The following LIMA1 variants were observed in gnomAD, a reference collection of about 807,000 sequenced individuals.
LIMA1 encodes LIM domain and actin-binding protein 1.
Under a neutral mutation model 62.6 loss-of-function variants are expected in LIMA1, and 52 were observed. The observed-to-expected ratio is 0.83, with a 90% CI of 0.67 to 1.05. The LOEUF is 1.05. Among genes scored for constraint, LIMA1 ranks in the 50% least tolerant of loss-of-function variants. The pLI is 0.00. For missense variants in LIMA1, 780 were observed against 902.2 expected, an observed-to-expected ratio of 0.86 and a Z score of 1.74; for synonymous variants, 302 against 317.8, an observed-to-expected ratio of 0.95 and a Z score of 0.53.
At chr12:50,209,822 C>T (rs1399481344) in intron 4 of LIMA1, among the ~76,000 whole-genome samples, 5 of 151,996 alleles carry the variant, frequency 3.3e-5, no homozygotes, top group African/African-American at 1.2e-4. Flanking sequence ...TCTGCTACCA[C>T]ACCTAATTAT....
At position 50,195,961 on chromosome 12, in the gene LIMA1, G is replaced by A. The variant is rs188717812; in HGVS notation, c.973-74C>T. 48 of 1,434,254 alleles carry A rather than the reference G, an allele frequency of 3.3e-5. 1 individual carries two copies. The East Asian group carries it at 9.7e-4, about 29-fold the overall frequency. 88.8% of individuals were successfully genotyped at this position (1,434,254 alleles called of 1,614,324 possible). On this transcript the variant is annotated intron_variant, in intron 7 of 10. Transcript: ENST00000341247. ...ATTAAAAATAAAAGAGCAAACTGCT[G>A]TTAATGCCATAAAAACCTGCTGACT... is the stretch of plus-strand genomic sequence containing the variant.
Position 50,195,891 on chromosome 12 carries a change from CAAAAAAAAAAAAA to C in LIMA1, c.973-17_973-5del. On this transcript the variant is annotated splice_polypyrimidine_tract_variant and splice_region_variant and intron_variant, in intron 7 of 10. Coordinates refer to ENST00000341247, the MANE Select transcript of LIMA1 (RefSeq NM_016357.5). Reference sequence around the variant, plus strand: ...GGCTATTCTCATTTGCAGAAATCTACAAAAAAAAAAAAAAAAAAAAAGTTAGAGGGGGATTAAG... The same window carrying C: ...GGCTATTCTCATTTGCAGAAATCTACAAAAAAAAGTTAGAGGGGGATTAAG... 29 of 1,098,804 alleles carry C rather than the reference CAAAAAAAAAAAAA, an allele frequency of 2.6e-5. No individual in the cohort carries two copies. In the South Asian group the frequency reaches 5.3e-4, roughly 20 times the overall value. 68.1% of individuals were successfully genotyped at this position (1,098,804 alleles called of 1,614,324 possible).
intron 3 of LIMA1, chr12:50,222,821 C>T: frequency 1.6e-6 from 1 of 640,142 alleles, no homozygotes; most frequent in Non-Finnish European, 2.1e-6. Context: ...GGGAAAAAAA[C>T]AAGAAAGAAA....
At chr12:50,264,028 G>A (rs930345870) in intron 1 of LIMA1, among the ~76,000 whole-genome samples, 4 of 151,576 alleles carry the variant, frequency 2.6e-5, no homozygotes, top group South Asian at 2.1e-4. Context: ...AATATTATTC[G>A]GCTATAAAGA....
chr12:50,192,834 T>C (rs935034502), intron 8 of LIMA1, among the ~76,000 whole-genome samples: 3 of 152,222 alleles, frequency 2.0e-5, no homozygotes, highest in African/African-American at 7.2e-5. Flanking sequence ...TAAAGAACTT[T>C]CTTCCTTGTG....
At chr12:50,190,366 A>ATTTTT (rs1206751938) in intron 9 of LIMA1, 3 of 121,162 alleles carry the variant, frequency 2.5e-5, no homozygotes, top group African/African-American at 9.2e-5. Context: ...CTTGAATGTC[A>ATTTTT]TTTTTTTTTT....
intron 4 of LIMA1, among the ~76,000 whole-genome samples, chr12:50,214,995 C>A (rs1941319054): frequency 6.6e-6 from 1 of 152,194 alleles, no homozygotes; most frequent in Non-Finnish European, 1.5e-5. Context: ...CTGCAACAAT[C>A]TGGGCATTCC....
intron 2 of LIMA1, among the ~76,000 whole-genome samples, chr12:50,233,832 T>C (rs1941648520): frequency 6.6e-6 from 1 of 152,218 alleles, no homozygotes; most frequent in Non-Finnish European, 1.5e-5. Context: ...GCTATTATTA[T>C]ATGTTTTAAA....
chr12:50,180,040 C>T (rs1940459741), intron 10 of LIMA1, among the ~76,000 whole-genome samples: 1 of 151,302 alleles, frequency 6.6e-6, no homozygotes, highest in Admixed American at 6.6e-5. Flanking sequence ...GTTGCTCACA[C>T]CTGTAATCCC....
At chr12:50,230,172 CT>C (rs1402083775) in intron 3 of LIMA1, among the ~76,000 whole-genome samples, 1 of 152,098 alleles carries the variant, frequency 6.6e-6, no homozygotes, top group East Asian at 1.9e-4. Context: ...GTAGCTGGGA[CT>C]ACAGGCATGT....
intron 4 of LIMA1, among the ~76,000 whole-genome samples, chr12:50,212,563 A>G (rs1941276637): frequency 6.6e-6 from 1 of 152,164 alleles, no homozygotes; most frequent in Non-Finnish European, 1.5e-5. Context: ...TGTATTCCCA[A>G]GCATTCTACA....
intron 3 of LIMA1, among the ~76,000 whole-genome samples, chr12:50,225,664 T>A (rs1941516755): frequency 1.3e-5 from 2 of 152,212 alleles, no homozygotes; most frequent in South Asian, 4.1e-4. Context: ...GCAGTTCTCT[T>A]GCCTCAGCCT....
chr12:50,265,231 A>T (rs1283404367), intron 1 of LIMA1, among the ~76,000 whole-genome samples: 1 of 152,134 alleles, frequency 6.6e-6, no homozygotes. Context: ...CATTATTTAA[A>T]ACATGGCTGG....
chr12:50,231,570 G>T, intron 3 of LIMA1, 95 bp downstream of exon 3: 1 of 1,116,270 alleles, frequency 9.0e-7, no homozygotes, highest in Non-Finnish European at 1.4e-6. Flanking sequence ...CCACTCAGCT[G>T]ACATAGAACC....
At chr12:50,262,205 C>T (rs780296421) in intron 1 of LIMA1, among the ~76,000 whole-genome samples, 1 of 151,998 alleles carries the variant, frequency 6.6e-6, no homozygotes, top group African/African-American at 2.4e-5. Context: ...TACTATTTGG[C>T]TCTACAGGTA....
intron 4 of LIMA1, among the ~76,000 whole-genome samples, chr12:50,220,903 T>C (rs1555207117): frequency 6.6e-6 from 1 of 152,300 alleles, no homozygotes; most frequent in Admixed American, 6.5e-5. Context: ...CAGAGAAGTG[T>C]TGTAGCTTTA....
chr12:50,194,644 G>A (rs1001233071), intron 8 of LIMA1, among the ~76,000 whole-genome samples: 10 of 152,122 alleles, frequency 6.6e-5, no homozygotes, highest in African/African-American at 2.4e-4. Context: ...GCTCACGCCC[G>A]TAATCTCAAC....
chr12:50,218,679 G>C (rs1348318379), intron 4 of LIMA1, among the ~76,000 whole-genome samples: 1 of 152,142 alleles, frequency 6.6e-6, no homozygotes, highest in African/African-American at 2.4e-5. Flanking sequence ...GCCAAGGCAG[G>C]AGGATCACTT....
intron 1 of LIMA1, among the ~76,000 whole-genome samples, chr12:50,265,160 A>G (rs1011414333): frequency 1.3e-5 from 2 of 152,084 alleles, no homozygotes; most frequent in Non-Finnish European, 1.5e-5. Context: ...CAAAAAAAAA[A>G]AAAAATCAAA....
Sources: allele counts gnomAD v4.1 joint callset (sites outside exome capture counted in the v4.1 genomes callset), GRCh38; gene constraint gnomAD v4.1.1; transcripts MANE v1.5; gene names NCBI Gene and HGNC (gene_info 2026-07-23, HGNC 2026-07-21).